TENM3: variants seen among roughly 807,000 people sequenced by gnomAD.
The protein encoded by TENM3 is teneurin transmembrane protein 3, also known as teneurin-3.
Under a neutral mutation model 255.1 loss-of-function variants are expected in TENM3, and 63 were observed. That is an observed-to-expected ratio of 0.25 (90% CI 0.20 to 0.30). TENM3 has a LOEUF of 0.30. Ranked by LOEUF, TENM3 falls within the 10% of genes least tolerant of loss-of-function variation. TENM3 has a pLI of 1.00. For missense variants in TENM3, 2,929 were observed against 3,461.1 expected, an observed-to-expected ratio of 0.85 and a Z score of 3.86; for synonymous variants, 1,306 against 1,322.3, an observed-to-expected ratio of 0.99 and a Z score of 0.27.
rs1174125704 is a variant in TENM3, at chr4:182,784,488, A to C, written c.5305-4605A>C. ...CAGACATGGACATTTAAGTCTGCAG[A>C]GGTTACTGCTGTCTTTTTGTTTGTC... On this transcript the variant is annotated intron_variant, in intron 24 of 27. Coordinates refer to ENST00000511685, the MANE Select transcript of TENM3 (RefSeq NM_001080477.4). Among the ~76,000 whole-genome samples the C allele has an allele frequency of 2.0e-5, 3 of 151,500 alleles. No homozygotes were observed. In the East Asian group the frequency reaches 5.9e-4, roughly 30 times the overall value.
the TENM3 span, among the ~76,000 whole-genome samples, chr4:181,755,559 G>A: frequency 6.6e-6 from 1 of 152,106 alleles, no homozygotes; most frequent in Non-Finnish European, 1.5e-5. Context: ...AAGTTGAAGT[G>A]ACCATTCGGA....
At chr4:182,708,758 A>G (rs986317733) in intron 12 of TENM3, among the ~76,000 whole-genome samples, 1 of 150,022 alleles carries the variant, frequency 6.7e-6, no homozygotes, top group African/African-American at 2.5e-5. Context: ...AGATCGCGCC[A>G]CTGTACTCCA....
intron 3 of TENM3, among the ~76,000 whole-genome samples, chr4:182,449,237 C>CCGCTCCGGAGCCGGTGGCTCGGCTT (rs758941265): frequency 6.7e-6 from 1 of 149,490 alleles, no homozygotes; most frequent in African/African-American, 2.4e-5. Flanking sequence ...CGGCTCCGCT[C>CCGCTCCGGAGCCGGTGGCTCGGCTT]TTCTCCCTTG....
At chr4:181,451,187 A>G in the TENM3 span, among the ~76,000 whole-genome samples, 17 of 152,304 alleles carry the variant, frequency 1.1e-4, no homozygotes, top group South Asian at 2.9e-3. Flanking sequence ...CAACGTAAGG[A>G]GGAGTGGGTA....
chr4:181,860,287 C>A, the TENM3 span, among the ~76,000 whole-genome samples: 1 of 152,150 alleles, frequency 6.6e-6, no homozygotes, highest in Admixed American at 6.5e-5. Flanking sequence ...GCTTAATTTA[C>A]TTTGGTTTGA....
chr4:182,449,886 A>T (rs768470648), intron 3 of TENM3, among the ~76,000 whole-genome samples: 5 of 152,188 alleles, frequency 3.3e-5, no homozygotes, highest in Non-Finnish European at 5.9e-5. Context: ...AGTAAAAATC[A>T]TTTGCCATTG....
chr4:181,469,570 T>G, the TENM3 span, among the ~76,000 whole-genome samples: 1 of 152,170 alleles, frequency 6.6e-6, no homozygotes, highest in Non-Finnish European at 1.5e-5. Flanking sequence ...TAGTTAAGGG[T>G]AGTAAGCCAT....
the TENM3 span, among the ~76,000 whole-genome samples, chr4:181,845,370 A>C: frequency 3.5e-4 from 54 of 152,348 alleles, 1 homozygote; most frequent in African/African-American, 1.3e-3. Context: ...TGTAGATCAC[A>C]GACTTAATTT....
intron 1 of TENM3, among the ~76,000 whole-genome samples, chr4:182,213,417 A>G (rs1755187985): frequency 6.6e-6 from 1 of 152,210 alleles, no homozygotes; most frequent in Admixed American, 6.5e-5. Flanking sequence ...ATTTGGTTAC[A>G]AGTATTTTTA....
chr4:181,586,465 G>A, the TENM3 span, among the ~76,000 whole-genome samples: 5 of 152,078 alleles, frequency 3.3e-5, no homozygotes, highest in South Asian at 2.1e-4. Context: ...AAGAGACGAC[G>A]ACCAGGCAAT....
intron 12 of TENM3, among the ~76,000 whole-genome samples, chr4:182,699,576 A>G (rs568223427): frequency 8.3e-4 from 127 of 152,300 alleles, no homozygotes; most frequent in African/African-American, 2.8e-3. Flanking sequence ...CCAGGCCAGA[A>G]ATTTAAAATA....
the TENM3 span, among the ~76,000 whole-genome samples, chr4:181,917,711 G>T: frequency 6.7e-6 from 1 of 149,600 alleles, no homozygotes; most frequent in African/African-American, 2.5e-5. Flanking sequence ...GCCCAGGCTG[G>T]AATGCAGTGG....
intron 3 of TENM3, among the ~76,000 whole-genome samples, chr4:182,564,509 C>G (rs140140573): frequency 6.6e-6 from 1 of 151,976 alleles, no homozygotes; most frequent in East Asian, 1.9e-4. Flanking sequence ...CAATTATTCT[C>G]TTCACCACAC....
At chr4:181,883,880 T>A in the TENM3 span, among the ~76,000 whole-genome samples, 1 of 152,186 alleles carries the variant, frequency 6.6e-6, no homozygotes, top group Non-Finnish European at 1.5e-5. Flanking sequence ...TGGGTCTGGT[T>A]GCTGAACATC....
chr4:182,384,581 T>C (rs1217947446), intron 3 of TENM3, among the ~76,000 whole-genome samples: 1 of 152,194 alleles, frequency 6.6e-6, no homozygotes, highest in African/African-American at 2.4e-5. Flanking sequence ...ACCACCGATA[T>C]TGAAATATTT....
the TENM3 span, among the ~76,000 whole-genome samples, chr4:181,792,195 T>G: frequency 2.0e-5 from 3 of 152,244 alleles, no homozygotes; most frequent in Admixed American, 6.5e-5. Context: ...GATTTTTCTC[T>G]TAAAATTGTT....
chr4:182,322,874 T>C (rs986084427), intron 1 of TENM3, among the ~76,000 whole-genome samples: 3 of 152,150 alleles, frequency 2.0e-5, no homozygotes, highest in Non-Finnish European at 4.4e-5. Flanking sequence ...CTGAGGCCAG[T>C]TGGGAACCAT....
chr4:182,421,649 C>G (rs983716555), intron 3 of TENM3, among the ~76,000 whole-genome samples: 1 of 152,086 alleles, frequency 6.6e-6, no homozygotes, highest in African/African-American at 2.4e-5. Context: ...AAAGAAAACT[C>G]AGATTTCTGC....
the TENM3 span, among the ~76,000 whole-genome samples, chr4:181,826,113 A>C: frequency 6.6e-6 from 1 of 152,210 alleles, no homozygotes; most frequent in South Asian, 2.1e-4. Flanking sequence ...TATTTTGTAA[A>C]TAACTATAAA....
Sources: allele counts gnomAD v4.1 joint callset (sites outside exome capture counted in the v4.1 genomes callset), GRCh38; gene constraint gnomAD v4.1.1; transcripts MANE v1.5; gene names NCBI Gene and HGNC (gene_info 2026-07-23, HGNC 2026-07-21).